Variants in SLC6A3 observed in about 807,000 individuals in gnomAD.
The protein encoded by SLC6A3 is solute carrier family 6 member 3, also known as sodium-dependent dopamine transporter.
In SLC6A3, 19 loss-of-function variants were observed where a neutral mutation model predicts 70.4. That is an observed-to-expected ratio of 0.27 (90% CI 0.19 to 0.40). The LOEUF (loss-of-function observed/expected upper bound fraction) is 0.40. Ranked by LOEUF, SLC6A3 falls within the 10% of genes least tolerant of loss-of-function variation. The pLI is 1.00. For synonymous variants in SLC6A3, 368 were observed against 356.6 expected (o/e 1.03, Z -0.36); for missense variants, 613 against 838.5 (o/e 0.73, Z 3.32).
intron 3 of SLC6A3, among the ~76,000 whole-genome samples, chr5:1,434,454 C>T (rs886878866): frequency 5.9e-5 from 9 of 152,230 alleles, no homozygotes; most frequent in Non-Finnish European, 1.2e-4. Flanking sequence ...ATGGGGTCTC[C>T]TGGTAAACTG....
chr5:1,441,517 T>C (rs755858569), intron 2 of SLC6A3, 27 bp from the exon 3 acceptor site: 12 of 1,611,196 alleles, frequency 7.4e-6, no homozygotes, highest in East Asian at 6.7e-5. Flanking sequence ...CACCTTTAGT[T>C]TGGGGCCTCG....
intron 12 of SLC6A3, 83 bp from the exon 13 acceptor site, chr5:1,403,172 C>CTG: frequency 6.8e-7 from 1 of 1,474,192 alleles, no homozygotes; most frequent in Non-Finnish European, 9.3e-7. Flanking sequence ...CACTTCATGG[C>CTG]AGAGCGTCTC....
rs1223467797 is a variant in SLC6A3, at chr5:1,432,713, G to C, written c.419-15C>G. On this transcript the variant is annotated splice_polypyrimidine_tract_variant and intron_variant, in intron 3 of 14. Transcript: ENST00000270349. ...GAAGCCCACACCTAGCGGGAAGGGG[G>C]AGGCCATGGAGCCCACGCAGGTGGA... 6.3e-7 allele frequency: 1 copy of C among 1,593,412 alleles called. No homozygotes were observed. The highest frequency in any genetic ancestry group is 1.1e-5 in the South Asian group (1 of 90,552).
chr5:1,443,138 C>T lies in SLC6A3; in HGVS notation c.60G>A (p.Glu20=), dbSNP rs115160598. The part of the protein sequence containing the change: ...LMSSVVAPAK[E]PNAVGPKEVE... ...CCTCCTTCGGGCCCACGGCATTGGGCTCCTTAGCCGGGGCCACCACGGAAG... is the reference window on the plus strand; with the variant it reads ...CCTCCTTCGGGCCCACGGCATTGGGTTCCTTAGCCGGGGCCACCACGGAAG... The change falls in exon 2 of 15, where the codon GAG becomes GAA. Residue 20 remains glutamate (E), a synonymous_variant. Transcript: ENST00000270349. 4.1e-4 allele frequency: 666 copies of T among 1,614,254 alleles called. 6 individuals carry two copies. The East Asian group carries it at 0.013, about 31-fold the overall frequency.
rs28363141 is a variant in SLC6A3, at chr5:1,401,461, T to C, written c.1768-475A>G. Among the ~76,000 whole-genome samples, 3,941 of 152,304 alleles carry C rather than the reference T, an allele frequency of 0.026. 157 individuals are homozygous for C. Among genetic ancestry groups the C allele is most frequent in the African/African-American group, 0.089 (3,699 of 41,554 alleles). ...AACGCTGAACGTGCCTTCCTTCCACTGCCCGCTGCGGCAGCTCCTGGGGCC... is the reference window on the plus strand; with the variant it reads ...AACGCTGAACGTGCCTTCCTTCCACCGCCCGCTGCGGCAGCTCCTGGGGCC... On this transcript the variant is annotated intron_variant, in intron 13 of 14. Coordinates refer to ENST00000270349, the MANE Select transcript of SLC6A3 (RefSeq NM_001044.5). This position sits in a 1 kb window ranked among gnomAD's most constrained non-coding sequence, Gnocchi z 6.1.
rs931442013 is a variant in SLC6A3 at position 1,421,798 on chromosome 5, C to A, written c.792+78G>T. 3.3e-6 allele frequency: 5 copies of A among 1,524,802 alleles called. No homozygotes were observed. In the African/African-American group the frequency reaches 5.5e-5, roughly 17 times the overall value. 94.5% of individuals were successfully genotyped at this position (1,524,802 alleles called of 1,614,324 possible). A position where few individuals can be genotyped will look rare whatever the true frequency, so the allele number is the denominator to read the frequency against. On this transcript the variant is annotated intron_variant, in intron 5 of 14. Transcript: ENST00000270349. This position sits in a 1 kb window ranked among gnomAD's most constrained non-coding sequence, Gnocchi z 7.2. The stretch of plus-strand genomic sequence containing the variant: ...AAACCCAACTGAGGCCACACGTGCA[C>A]CTCCTGTCCAGCCACGGCCACATGT...
chr5:1,443,867 G>GTT lies in SLC6A3; in HGVS notation c.-45-627_-45-626dup, dbSNP rs1242561019. ...TTGTGTGTGTTTTTTTGTTGTTGTT[G>GTT]TTGTTTTTTTGTAGAGACAGGGTCT... On this transcript the variant is annotated intron_variant, in intron 1 of 14. Transcript: ENST00000270349. 3.8e-3 allele frequency among the ~76,000 whole-genome samples: 583 copies of GTT among 151,672 alleles called. 2 individuals carry two copies. Among genetic ancestry groups the GTT allele is most frequent in the African/African-American group, 0.014 (560 of 41,334 alleles).
At chr5:1,426,325 G>A (rs762560319) in intron 4 of SLC6A3, among the ~76,000 whole-genome samples, 1 of 152,196 alleles carries the variant, frequency 6.6e-6, no homozygotes, top group African/African-American at 2.4e-5. Flanking sequence ...GATTACTTGA[G>A]CCCAGGAGTT....
rs542184794 is a variant in SLC6A3 at position 1,406,541 on chromosome 5, G to A, written c.1499-253C>T. On this transcript the variant is annotated intron_variant, in intron 11 of 14. Transcript: ENST00000270349. The surrounding 1 kb of genome is among the most constrained non-coding windows in gnomAD (Gnocchi z 8.8). ...AGCCGTGCCCCGGTGGGTGCTCCCC[G>A]CGCCCCGGCAACAGCCCCTCGGGTC... Among the ~76,000 whole-genome samples, 43 of 152,272 alleles carry A rather than the reference G, an allele frequency of 2.8e-4. No individual in the cohort carries two copies. Among genetic ancestry groups the A allele is most frequent in the African/African-American group, 8.9e-4 (37 of 41,556 alleles).
rs1243373788 is a variant in SLC6A3, at chr5:1,421,682, C to T, written c.792+194G>A. On this transcript the variant is annotated intron_variant, in intron 5 of 14. Transcript: ENST00000270349. This position sits in a 1 kb window ranked among gnomAD's most constrained non-coding sequence, Gnocchi z 7.2. Reference sequence around the variant, plus strand: ...ACCCTCAATCATGGCCACGTGTACACTCCCAACCTGATTATGGCCATATGA... The same window carrying T: ...ACCCTCAATCATGGCCACGTGTACATTCCCAACCTGATTATGGCCATATGA... 6.6e-6 allele frequency among the ~76,000 whole-genome samples: 1 copy of T among 152,056 alleles called. No homozygotes were observed. The highest frequency in any genetic ancestry group is 1.5e-5 in the Non-Finnish European group (1 of 68,006).
At position 1,401,655 on chromosome 5, in the gene SLC6A3, G is replaced by C. The variant is rs576487244; in HGVS notation, c.1768-669C>G. On this transcript the variant is annotated intron_variant, in intron 13 of 14. Transcript: ENST00000270349. This position sits in a 1 kb window ranked among gnomAD's most constrained non-coding sequence, Gnocchi z 6.1. The stretch of plus-strand genomic sequence containing the variant: ...AATTCCACTTGTACCTGGCTCAGCT[G>C]CTGAGGTTTTACTTGGCTTACGTTC... 1.3e-5 allele frequency among the ~76,000 whole-genome samples: 2 copies of C among 152,218 alleles called. No individual in the cohort carries two copies. Among genetic ancestry groups the C allele is most frequent in the African/African-American group, 4.8e-5 (2 of 41,462 alleles).
At position 1,420,694 on chromosome 5, in the gene SLC6A3, T is replaced by C. The variant is rs376332086; in HGVS notation, c.802A>G (p.Ile268Val). The C allele has an allele frequency of 6.2e-7, 1 of 1,613,148 alleles. No individual in the cohort carries two copies. Among genetic ancestry groups the C allele is most frequent in the Non-Finnish European group, 8.5e-7 (1 of 1,179,918 alleles). ...ACCACGTATGGCATGGTGGCTGTGA[T>C]CCATACCACCTGCAGGAGAGGACAG... ...GVKTSGKVVWITATMPYVVLT... is the reference protein window; with the variant it reads ...GVKTSGKVVWVTATMPYVVLT... The change falls in exon 6 of 15, where the codon ATC becomes GTC. Residue 268 changes from isoleucine (I) to valine (V), a missense_variant. Physicochemically the swap from Ile to Val is conservative, Grantham distance 29. Coordinates refer to ENST00000270349, the MANE Select transcript of SLC6A3 (RefSeq NM_001044.5).
rs1413245888 is a variant in SLC6A3 at position 1,401,995 on chromosome 5, C to T, written c.1767+927G>A. 1.3e-5 allele frequency among the ~76,000 whole-genome samples: 2 copies of T among 152,202 alleles called. No homozygotes were observed. The highest frequency in any genetic ancestry group is 2.9e-5 in the Non-Finnish European group (2 of 68,026). On this transcript the variant is annotated intron_variant, in intron 13 of 14. Coordinates refer to ENST00000270349, the MANE Select transcript of SLC6A3 (RefSeq NM_001044.5). This position sits in a 1 kb window ranked among gnomAD's most constrained non-coding sequence, Gnocchi z 6.1. ...ACACTGTGCTTTGCCTGCACTGGGC[C>T]TTGGCCTGGCCAGGCTGCTGGAGAG...
intron 8 of SLC6A3, among the ~76,000 whole-genome samples, chr5:1,414,247 G>A (rs1483392594): frequency 2.0e-5 from 3 of 151,560 alleles, no homozygotes; most frequent in Non-Finnish European, 2.9e-5. Context: ...CAGCATCTAC[G>A]CCAGACCCTG....
intron 4 of SLC6A3, among the ~76,000 whole-genome samples, chr5:1,423,210 C>A (rs1756498591): frequency 1.0e-5 from 1 of 100,232 alleles, no homozygotes; most frequent in Non-Finnish European, 2.0e-5. Flanking sequence ...GCCCATGGTG[C>A]TGGGTACCCA....
chr5:1,419,772 C>T (rs1471829716), intron 6 of SLC6A3, among the ~76,000 whole-genome samples: 1 of 152,148 alleles, frequency 6.6e-6, no homozygotes, highest in Non-Finnish European at 1.5e-5. Flanking sequence ...CCCTTCAGTG[C>T]TGCAGGCACA....
rs1260312289 is a variant in SLC6A3 at position 1,422,984 on chromosome 5, G to A, written c.654-970C>T. Among the ~76,000 whole-genome samples, 20 of 60,154 alleles carry A rather than the reference G, an allele frequency of 3.3e-4. 1 individual carries two copies. Among genetic ancestry groups the A allele is most frequent in the African/African-American group, 1.8e-3 (18 of 10,182 alleles). The allele number at this position is 60,154 out of a possible 152,430, so 39.5% of individuals were successfully genotyped here. ...CACCGCTGCCCACAGTGCTGCCCAC[G>A]CTGCTGGGTACCCACTGCTGCCCAG... On this transcript the variant is annotated intron_variant, in intron 4 of 14. Coordinates refer to ENST00000270349, the MANE Select transcript of SLC6A3 (RefSeq NM_001044.5).
intron 14 of SLC6A3, among the ~76,000 whole-genome samples, chr5:1,395,876 G>A (rs1025570862): frequency 1.3e-5 from 2 of 152,220 alleles, no homozygotes; most frequent in African/African-American, 2.4e-5. Flanking sequence ...GGTGTGCTTG[G>A]GGGCTCCCAG....
intron 4 of SLC6A3, among the ~76,000 whole-genome samples, chr5:1,430,797 C>CTCAACTCCCGCCTGGCTGTTCCTA (rs1553988230): frequency 6.6e-6 from 1 of 151,942 alleles, no homozygotes; most frequent in Non-Finnish European, 1.5e-5. Flanking sequence ...GGCTTCTCTG[C>CTCAACTCCCGCCTGGCTGTTCCTA]TCACCGTGAC....
Sources: gnomAD v4.1 joint callset for allele counts (sites outside exome capture counted in the v4.1 genomes callset) on GRCh38, gnomAD v4.1.1 for gene constraint, Gnocchi (gnomAD v3.1) non-coding constraint, MANE v1.5 for transcripts, NCBI Gene and HGNC (gene_info 2026-07-23, HGNC 2026-07-21) for gene names.